BRPF1: variants seen among roughly 807,000 people sequenced by gnomAD.
BRPF1 encodes peregrin.
A neutral mutation model predicts 115.0 loss-of-function variants in BRPF1; 15 were observed. The observed-to-expected ratio is 0.13, with a 90% CI of 0.09 to 0.20. BRPF1 has a LOEUF of 0.20. BRPF1 is among the 10% of genes least tolerant of loss of function. The pLI, the probability that BRPF1 is intolerant of heterozygous loss-of-function variation, is 1.00. For synonymous variants in BRPF1, 647 were observed against 619.8 expected (o/e 1.04, Z -0.65); for missense variants, 1,118 against 1,638.3 (o/e 0.68, Z 5.48).
chr3:9,745,501 C>T lies in BRPF1; in HGVS notation c.3069-72C>T, dbSNP rs2077108015. On this transcript the variant is annotated intron_variant, in intron 10 of 13. Coordinates refer to ENST00000383829, the MANE Select transcript of BRPF1 (RefSeq NM_001003694.2). This position sits in a 1 kb window ranked among gnomAD's most constrained non-coding sequence, Gnocchi z 5.1. ...TCTCAGACCCTGCGGGCTTTAAGAG[C>T]TGAGGGCACATACCATGCTGTTCCC... The T allele has an allele frequency of 6.5e-7, 1 of 1,541,100 alleles. No individual in the cohort carries two copies. The highest frequency in any genetic ancestry group is 8.9e-7 in the Non-Finnish European group (1 of 1,118,878).
chr3:9,741,598 CT>C (rs1173369370), intron 5 of BRPF1, among the ~76,000 whole-genome samples, 159 bp downstream of exon 5: 4 of 143,438 alleles, frequency 2.8e-5, no homozygotes, highest in African/African-American at 1.0e-4. Context: ...GATCGTGCCA[CT>C]GTACTCCAGC....
rs752864219 is a variant in BRPF1, at chr3:9,744,999, TC to T, written c.2921-8del. The T allele has an allele frequency of 4.3e-5, 69 of 1,614,066 alleles. No individual in the cohort carries two copies. The highest frequency in any genetic ancestry group is 1.6e-4 in the Middle Eastern group (1 of 6,084). ...GGTTCCTTCCCTCCTCCCCTTCCCTTCAACCAAGACTTACCAGCCAATGGCT... is the reference window on the plus strand; with the variant it reads ...GGTTCCTTCCCTCCTCCCCTTCCCTTAACCAAGACTTACCAGCCAATGGCT... On this transcript the variant is annotated splice_polypyrimidine_tract_variant and splice_region_variant and intron_variant, in intron 9 of 13. Coordinates refer to ENST00000383829, the MANE Select transcript of BRPF1 (RefSeq NM_001003694.2).
Position 9,747,006 on chromosome 3 carries a change from C to T in BRPF1, c.3480-160C>T, listed in dbSNP as rs1447948070. ...CCACACAGTATAACTGTTGACTGGG[C>T]TCTTTCATCTCTAGACCATGAACAG... On this transcript the variant is annotated intron_variant, in intron 13 of 13. Transcript: ENST00000383829. The surrounding 1 kb of genome is among the most constrained non-coding windows in gnomAD (Gnocchi z 5.6). Among the ~76,000 whole-genome samples, 3 of 152,270 alleles carry T rather than the reference C, an allele frequency of 2.0e-5. No homozygotes were observed. In the East Asian group the frequency reaches 5.8e-4, roughly 29 times the overall value.
In BRPF1 at chr3:9,744,440, G is replaced by A; in HGVS notation, c.2852G>A (p.Gly951Asp). 3 of 1,604,618 alleles carry A rather than the reference G, an allele frequency of 1.9e-6. No individual in the cohort carries two copies. Among genetic ancestry groups the A allele is most frequent in the Non-Finnish European group, 2.6e-6 (3 of 1,175,574 alleles). ...AGTTCCCTGCGTCAGCGCAAGCGGG[G>A]TAGGAGCCCCCGGCCCAGTTCGAGC... Reference protein sequence around the residue: ...IMSSLRQRKRGRSPRPSSSSD... With the variant: ...IMSSLRQRKRDRSPRPSSSSD... Residue 951 changes from glycine (G) to aspartate (D), a missense_variant, in exon 9 of 14, where the codon GGT (glycine) becomes GAT (aspartate). This residue lies in a region of BRPF1 where 92 missense variants were observed against 102.2 expected (regional missense o/e 0.90). Transcript: ENST00000383829.
At position 9,734,733 on chromosome 3, in the gene BRPF1, A is replaced by G; in HGVS notation, c.593A>G (p.Tyr198Cys). ...GATGCCCCACCCCGGCCAACTTCCT[A>G]TTACCGGTAAGGCCACCTCTACCTT... ...TPDAPPRPTS[Y>C]YRYIEKSAEE... Residue 198 changes from tyrosine to cysteine, a missense_variant, in exon 2 of 14, where the codon TAT becomes TGT. By Grantham distance (194) the Tyr-to-Cys change is radical. Around this residue, in one of 10 missense-constraint regions of BRPF1, gnomAD observed 280 missense variants for 382.8 expected, o/e 0.73. Coordinates refer to ENST00000383829, the MANE Select transcript of BRPF1 (RefSeq NM_001003694.2). This position sits in a 1 kb window ranked among gnomAD's most constrained non-coding sequence, Gnocchi z 5.7. 1.2e-6 allele frequency: 2 copies of G among 1,613,682 alleles called. No individual in the cohort carries two copies. The highest frequency in any genetic ancestry group is 1.1e-5 in the South Asian group (1 of 91,068).
chr3:9,742,151 G>A lies in BRPF1; in HGVS notation c.1981G>A (p.Glu661Lys). 6.2e-7 allele frequency: 1 copy of A among 1,614,204 alleles called. No individual in the cohort carries two copies. Among genetic ancestry groups the A allele is most frequent in the Non-Finnish European group, 8.5e-7 (1 of 1,180,034 alleles). The stretch of plus-strand genomic sequence containing the variant: ...CTTCAGCGAGCCGGTCCCTCTGTCT[G>A]AGGTAACCGAATTGGACGAAGTAAG... ...NIFSEPVPLS[E>K]VTELDEVPDY... The change falls in exon 6 of 14, where the codon GAG (glutamate) becomes AAG (lysine). Residue 661 changes from glutamate (E) to lysine (K), a missense_variant. Coordinates refer to ENST00000383829, the MANE Select transcript of BRPF1 (RefSeq NM_001003694.2).
At position 9,739,376 on chromosome 3, in the gene BRPF1, G is replaced by T. The variant is rs751239170; in HGVS notation, c.977G>T (p.Arg326Leu). 6.2e-7 allele frequency: 1 copy of T among 1,614,162 alleles called. No homozygotes were observed. Among genetic ancestry groups the T allele is most frequent in the Non-Finnish European group, 8.5e-7 (1 of 1,180,044 alleles). Residue 326 changes from arginine (R) to leucine (L), a missense_variant, in exon 3 of 14, where the codon CGT becomes CTT. Physicochemically the swap from Arg to Leu is moderately radical, Grantham distance 102. Transcript: ENST00000383829. Reference sequence around the variant, plus strand: ...CGCCGTTGCCTGCAGTCACCCTCTCGTGCTGTGGATTGTGCCCTGTGCCCC... The same window carrying T: ...CGCCGTTGCCTGCAGTCACCCTCTCTTGCTGTGGATTGTGCCCTGTGCCCC... ...LCRRCLQSPS[R>L]AVDCALCPNK...
At position 9,739,216 on chromosome 3, in the gene BRPF1, G is replaced by T. The variant is rs756075843; in HGVS notation, c.817G>T (p.Asp273Tyr). Reference protein sequence around the residue: ...KGDPNALVDEDAVCCICNDGE... With the variant: ...KGDPNALVDEYAVCCICNDGE... Reference sequence around the variant, plus strand: ...CGACCCTAATGCGCTAGTGGACGAGGATGCTGTTTGCTGTATCTGCAATGA... The same window carrying T: ...CGACCCTAATGCGCTAGTGGACGAGTATGCTGTTTGCTGTATCTGCAATGA... The change falls in exon 3 of 14, where the codon GAT becomes TAT. Residue 273 changes from aspartate (D) to tyrosine (Y), a missense_variant. Asp to Tyr is a radical substitution (Grantham distance 160). This residue lies in a region of BRPF1 where 280 missense variants were observed against 382.8 expected (regional missense o/e 0.73). Transcript: ENST00000383829. 6.2e-7 allele frequency: 1 copy of T among 1,613,684 alleles called. No individual in the cohort carries two copies. The highest frequency in any genetic ancestry group is 8.5e-7 in the Non-Finnish European group (1 of 1,179,666).
At position 9,747,365 on chromosome 3, in the gene BRPF1, C is replaced by T. The variant is rs1426646969; in HGVS notation, c.*16C>T. ...TAGTGATTGATACTGCTCAACACAGCCCAACCTATAGTGCCCTGTGACTTC... is the reference window on the plus strand; with the variant it reads ...TAGTGATTGATACTGCTCAACACAGTCCAACCTATAGTGCCCTGTGACTTC... On this transcript the variant is annotated 3_prime_UTR_variant, in exon 14 of 14. Coordinates refer to ENST00000383829, the MANE Select transcript of BRPF1 (RefSeq NM_001003694.2). This position sits in a 1 kb window ranked among gnomAD's most constrained non-coding sequence, Gnocchi z 5.6. The T allele has an allele frequency of 9.3e-6, 15 of 1,610,170 alleles. No individual in the cohort carries two copies. The highest frequency in any genetic ancestry group is 1.7e-5 in the Admixed American group (1 of 59,948).
Position 9,747,091 on chromosome 3 carries a change from T to C in BRPF1, c.3480-75T>C. The C allele has an allele frequency of 6.5e-7, 1 of 1,537,588 alleles. No homozygotes were observed. The stretch of plus-strand genomic sequence containing the variant: ...CAGAGTGGGTGCTTGGGTGGTGTGT[T>C]TGAGTGAATAGAGGAGGAAGGCTGG... On this transcript the variant is annotated intron_variant, in intron 13 of 13. Coordinates refer to ENST00000383829, the MANE Select transcript of BRPF1 (RefSeq NM_001003694.2). The surrounding 1 kb of genome is among the most constrained non-coding windows in gnomAD (Gnocchi z 5.6).
rs2125513819 is a variant in BRPF1 at position 9,745,245 on chromosome 3, G to C, written c.3068+90G>C. ...AGGTTTCCCTGTTGGAAGTGGGGTG[G>C]CAGCCATCTCAGTCTAGATTAAGAT... On this transcript the variant is annotated intron_variant, in intron 10 of 13. Coordinates refer to ENST00000383829, the MANE Select transcript of BRPF1 (RefSeq NM_001003694.2). This position sits in a 1 kb window ranked among gnomAD's most constrained non-coding sequence, Gnocchi z 5.1. 1 of 1,464,386 alleles carries C rather than the reference G, an allele frequency of 6.8e-7. No homozygotes were observed. The highest frequency in any genetic ancestry group is 2.4e-5 in the East Asian group (1 of 41,580). The allele number at this position is 1,464,386 out of a possible 1,614,324, so 90.7% of individuals were successfully genotyped here. A position where few individuals can be genotyped will look rare whatever the true frequency, so the allele number is the denominator to read the frequency against.
Position 9,744,393 on chromosome 3 carries a change from G to T in BRPF1, c.2805G>T (p.Gly935=). ...MTPSHGGSPV[G]PPQLPIMSSL... ...CCAGCCACGGAGGCAGTCCTGTGGGGCCCCCCCAGCTCCCCATCATGAGTT... is the reference window on the plus strand; with the variant it reads ...CCAGCCACGGAGGCAGTCCTGTGGGTCCCCCCCAGCTCCCCATCATGAGTT... The change falls in exon 9 of 14, where the codon GGG becomes GGT. Residue 935 remains glycine (G), a synonymous_variant. Transcript: ENST00000383829. 6.2e-7 allele frequency: 1 copy of T among 1,610,264 alleles called. No individual in the cohort carries two copies. Among genetic ancestry groups the T allele is most frequent in the Non-Finnish European group, 8.5e-7 (1 of 1,178,078 alleles).
chr3:9,735,017 CTTTT>C (rs781439048), intron 2 of BRPF1, among the ~76,000 whole-genome samples: 2 of 120,226 alleles, frequency 1.7e-5, no homozygotes, highest in Non-Finnish European at 3.4e-5. Context: ...CAGATTTATC[CTTTT>C]TTTTTTTTTT....
In BRPF1 at chr3:9,738,992, A is replaced by G; in HGVS notation, c.600-7A>G. Reference sequence around the variant, plus strand: ...ATGTGATGCTGAGTTCCCTGTTTGTACCGTAGGTACATCGAGAAGTCTGCA... The same window carrying G: ...ATGTGATGCTGAGTTCCCTGTTTGTGCCGTAGGTACATCGAGAAGTCTGCA... On this transcript the variant is annotated splice_region_variant and splice_polypyrimidine_tract_variant and intron_variant, in intron 2 of 13. Transcript: ENST00000383829. The G allele has an allele frequency of 6.5e-7, 1 of 1,548,460 alleles. No homozygotes were observed.
At chr3:9,744,094 A>T in intron 8 of BRPF1, 130 bp from the exon 9 acceptor site, 2 of 1,327,720 alleles carry the variant, frequency 1.5e-6, no homozygotes, top group Non-Finnish European at 2.1e-6. Flanking sequence ...TCCAAATTCC[A>T]AGCCCCTAAA....
In BRPF1 at chr3:9,743,279, T is replaced by A. The variant is rs1315351599; in HGVS notation, c.2311+26T>A. The A allele has an allele frequency of 1.9e-6, 3 of 1,595,184 alleles. No individual in the cohort carries two copies. The highest frequency in any genetic ancestry group is 2.7e-5 in the African/African-American group (2 of 74,474). ...GTGGGTGATATATCACACACACATA[T>A]AAGAGGCCAATGCCGGGGATGGACA... On this transcript the variant is annotated intron_variant, in intron 7 of 13. Coordinates refer to ENST00000383829, the MANE Select transcript of BRPF1 (RefSeq NM_001003694.2). The surrounding 1 kb of genome is among the most constrained non-coding windows in gnomAD (Gnocchi z 6.1).
Position 9,739,500 on chromosome 3 carries a change from C to T in BRPF1, c.1101C>T (p.Phe367=). 2 of 1,613,828 alleles carry T rather than the reference C, an allele frequency of 1.2e-6. No individual in the cohort carries two copies. Among genetic ancestry groups the T allele is most frequent in the East Asian group, 4.5e-5 (2 of 44,852 alleles). The change falls in exon 3 of 14, where the codon TTC becomes TTT. Residue 367 remains phenylalanine, a synonymous_variant. Transcript: ENST00000383829. ...AGGTCTGCTTCGCCAACACGGTCTT[C>T]CTAGAGCCTATTGACAGCATTGAGC... The part of the protein sequence containing the change: ...IPEVCFANTV[F]LEPIDSIEHI...
In BRPF1 at chr3:9,744,302, C is replaced by T. The variant is rs148225481; in HGVS notation, c.2714C>T (p.Pro905Leu). 1.1e-4 allele frequency: 180 copies of T among 1,612,388 alleles called. No homozygotes were observed. Among genetic ancestry groups the T allele is most frequent in the South Asian group, 5.9e-4 (54 of 90,854 alleles). Residue 905 changes from proline to leucine, a missense_variant, in exon 9 of 14, where the codon CCG (proline) becomes CTG (leucine). Pro to Leu is a moderately conservative substitution (Grantham distance 98, BLOSUM62 -3). This residue lies in a region of BRPF1 where 3 missense variants were observed against 23.1 expected (regional missense o/e 0.13). Coordinates refer to ENST00000383829, the MANE Select transcript of BRPF1 (RefSeq NM_001003694.2). ...TCAGTTCTGTTCTCCAAAAAGAACC[C>T]GAAGACAGCTGGACCGCCCAAGAGG... Reference protein sequence around the residue: ...RTSVLFSKKNPKTAGPPKRPG... With the variant: ...RTSVLFSKKNLKTAGPPKRPG...
In BRPF1 at chr3:9,746,340, A is replaced by T; in HGVS notation, c.3365A>T (p.His1122Leu). ...PKMPREGMFH[H>L]GVPIPVPPLE... ...ATGCCCCGAGAAGGTATGTTCCACC[A>T]TGGGGTTCCCATCCCTGTGCCCCCA... The change falls in exon 13 of 14, where the codon CAT becomes CTT. Residue 1122 changes from histidine (H) to leucine (L), a missense_variant. By Grantham distance (99) the His-to-Leu change is moderately conservative. Around this residue, in one of 10 missense-constraint regions of BRPF1, gnomAD observed 76 missense variants for 166.1 expected, o/e 0.46. Coordinates refer to ENST00000383829, the MANE Select transcript of BRPF1 (RefSeq NM_001003694.2). The T allele has an allele frequency of 6.3e-7, 1 of 1,599,988 alleles. No individual in the cohort carries two copies. The highest frequency in any genetic ancestry group is 8.5e-7 in the Non-Finnish European group (1 of 1,171,446).
Sources: allele counts gnomAD v4.1 joint callset (sites outside exome capture counted in the v4.1 genomes callset), GRCh38; gene constraint gnomAD v4.1.1; regional missense constraint gnomAD v4.1.1; non-coding constraint Gnocchi (gnomAD v3.1); transcripts MANE v1.5; gene names NCBI Gene and HGNC (gene_info 2026-07-23, HGNC 2026-07-21).